Variants in FARS2 observed in about 807,000 individuals in gnomAD.
FARS2 encodes the protein phenylalanyl-tRNA synthetase 2, mitochondrial.
A neutral mutation model predicts 46.4 loss-of-function variants in FARS2; 40 were observed. The ratio of observed to expected loss-of-function variants is 0.86; its 90% confidence interval spans 0.67 to 1.12. The LOEUF (loss-of-function observed/expected upper bound fraction) is 1.12, where lower values mean the gene tolerates loss of function less well. Ranked by LOEUF, FARS2 falls within the 50% of genes most tolerant of loss-of-function variation. The pLI is 0.00. For missense variants in FARS2, 513 were observed against 567.9 expected, an observed-to-expected ratio of 0.90 and a Z score of 0.98; for synonymous variants, 234 against 214.9, an observed-to-expected ratio of 1.09 and a Z score of -0.78.
At chr6:5,683,454 C>G (rs1204032358) in intron 6 of FARS2, among the ~76,000 whole-genome samples, 1 of 152,132 alleles carries the variant, frequency 6.6e-6, no homozygotes, top group African/African-American at 2.4e-5. Context: ...CTGGGAGCTG[C>G]TCCTCACTCC....
chr6:5,263,530 A>T (rs1765340319), intron 1 of FARS2, among the ~76,000 whole-genome samples: 1 of 152,266 alleles, frequency 6.6e-6, no homozygotes, highest in African/African-American at 2.4e-5. Flanking sequence ...CTTAAAAAAA[A>T]TAACTCGATT....
intron 6 of FARS2, among the ~76,000 whole-genome samples, chr6:5,642,661 C>T (rs894529647): frequency 6.6e-6 from 1 of 152,162 alleles, no homozygotes; most frequent in Admixed American, 6.5e-5. Context: ...TGCTTTTCAC[C>T]TCAGCTTCTG....
intron 1 of FARS2, among the ~76,000 whole-genome samples, chr6:5,325,143 G>T (rs1770274344): frequency 6.6e-6 from 1 of 152,218 alleles, no homozygotes; most frequent in Non-Finnish European, 1.5e-5. Context: ...CAGATGCACG[G>T]CAGAGCAGCT....
At chr6:5,303,519 G>T (rs1305821517) in intron 1 of FARS2, among the ~76,000 whole-genome samples, 1 of 152,028 alleles carries the variant, frequency 6.6e-6, no homozygotes, top group Admixed American at 6.5e-5. Context: ...GTCAGCTCGG[G>T]AGAGCCGCTC....
At chr6:5,265,838 A>G (rs1021747249) in intron 1 of FARS2, among the ~76,000 whole-genome samples, 1 of 152,208 alleles carries the variant, frequency 6.6e-6, no homozygotes, top group Admixed American at 6.5e-5. Flanking sequence ...GTGGGGTCTC[A>G]GTGCAAGGAG....
At chr6:5,256,382 C>T (rs562086294), upstream of FARS2, among the ~76,000 whole-genome samples, 3 of 150,592 alleles carry the variant, frequency 2.0e-5, no homozygotes, top group South Asian at 2.1e-4. Flanking sequence ...CCCAGCTACT[C>T]GGGAGGCTGA....
chr6:5,665,217 G>A (rs770351531), intron 6 of FARS2: 5 of 152,318 alleles, frequency 3.3e-5, no homozygotes, highest in Admixed American at 6.5e-5. Flanking sequence ...GCTCACCCTG[G>A]AGAGTTGACA....
chr6:5,330,084 C>T (rs181853247), intron 1 of FARS2, among the ~76,000 whole-genome samples: 226 of 152,204 alleles, frequency 1.5e-3, no homozygotes, highest in African/African-American at 5.2e-3. Context: ...TCCTAGCTTC[C>T]TAGAAATTCT....
chr6:5,454,345 T>G (rs919135896), intron 4 of FARS2, among the ~76,000 whole-genome samples: 6 of 152,042 alleles, frequency 3.9e-5, no homozygotes, highest in African/African-American at 1.4e-4. Context: ...TAAAATTTAT[T>G]TATTTATTTA....
At chr6:5,347,286 T>A (rs964722282) in intron 1 of FARS2, among the ~76,000 whole-genome samples, 3 of 152,160 alleles carry the variant, frequency 2.0e-5, no homozygotes, top group Non-Finnish European at 2.9e-5. Flanking sequence ...ATCATCCCCT[T>A]TACCCCAAAA....
In FARS2 at chr6:5,471,098, A is replaced by AC. The variant is rs1213424471; in HGVS notation, c.904+39930dup. Among the ~76,000 whole-genome samples, 11 of 152,096 alleles carry AC rather than the reference A, an allele frequency of 7.2e-5. No individual in the cohort carries two copies. The highest frequency in any genetic ancestry group is 1.3e-4 in the Non-Finnish European group (9 of 68,022). ...AGAGTTACATGTTAACAATAAGTGA[A>AC]CCCCACTGAGGGGTTTCAGCCACTG... On this transcript the variant is annotated intron_variant, in intron 4 of 6. Transcript: ENST00000274680. The surrounding 1 kb of genome is among the most constrained non-coding windows in gnomAD (Gnocchi z 4.1).
intron 6 of FARS2, among the ~76,000 whole-genome samples, chr6:5,721,698 A>G (rs943433227): frequency 4.6e-5 from 7 of 152,384 alleles, no homozygotes; most frequent in African/African-American, 1.4e-4. Flanking sequence ...ATATGGAGAC[A>G]CATTTTCCAA....
intron 6 of FARS2, among the ~76,000 whole-genome samples, chr6:5,737,255 G>C (rs545251273): frequency 1.3e-5 from 2 of 152,206 alleles, no homozygotes; most frequent in Admixed American, 1.3e-4. Flanking sequence ...GATCCTGGCC[G>C]GGCGCAATGG....
At chr6:5,657,122 A>G (rs1379967388) in intron 6 of FARS2, among the ~76,000 whole-genome samples, 1 of 152,224 alleles carries the variant, frequency 6.6e-6, no homozygotes, top group Non-Finnish European at 1.5e-5. Flanking sequence ...ATGTGAAAAT[A>G]TATATAAAGG....
intron 6 of FARS2, among the ~76,000 whole-genome samples, chr6:5,621,912 C>G (rs1407326758): frequency 6.6e-6 from 1 of 152,238 alleles, no homozygotes; most frequent in Admixed American, 6.5e-5. Context: ...GCTGGCCAGT[C>G]TGTATCCTCT....
chr6:5,579,374 C>G (rs967924844), intron 5 of FARS2, among the ~76,000 whole-genome samples: 1 of 152,138 alleles, frequency 6.6e-6, no homozygotes, highest in African/African-American at 2.4e-5. Flanking sequence ...GATTCTCCTG[C>G]CTCAGCCTCC....
intron 1 of FARS2, among the ~76,000 whole-genome samples, chr6:5,313,191 A>G (rs923991936): frequency 4.6e-5 from 7 of 152,202 alleles, no homozygotes; most frequent in African/African-American, 1.7e-4. Context: ...GATCATCTGA[A>G]TTTGTTGTTA....
At chr6:5,396,276 A>G (rs1760895633) in intron 2 of FARS2, among the ~76,000 whole-genome samples, 1 of 152,200 alleles carries the variant, frequency 6.6e-6, no homozygotes, top group Non-Finnish European at 1.5e-5. Flanking sequence ...AATTCCAGTG[A>G]TGCTAAAGTT....
rs933444229 is a variant in FARS2 at position 5,536,834 on chromosome 6, C to A, written c.905-8346C>A. ...CTGTAGAAGCTTCTTTGAATAGGCA[C>A]AAGAAGTTACATCTGGCTTCACTTA... On this transcript the variant is annotated intron_variant, in intron 4 of 6. Transcript: ENST00000274680. 2.6e-5 allele frequency among the ~76,000 whole-genome samples: 4 copies of A among 152,156 alleles called. No homozygotes were observed. The South Asian group carries it at 8.3e-4, about 32-fold the overall frequency.
Sources: gnomAD v4.1 joint callset for allele counts (sites outside exome capture counted in the v4.1 genomes callset) on GRCh38, gnomAD v4.1.1 for gene constraint, Gnocchi (gnomAD v3.1) non-coding constraint, MANE v1.5 for transcripts, NCBI Gene and HGNC (gene_info 2026-07-23, HGNC 2026-07-21) for gene names.